BICDL1: variants seen among roughly 807,000 people sequenced by gnomAD.
BICDL1 encodes the protein BICD family like cargo adaptor 1, also known as BICD family-like cargo adapter 1.
BICDL1 carries 20 observed loss-of-function variants against 76.8 expected under a neutral mutation model. That is an observed-to-expected ratio of 0.26 (90% CI 0.18 to 0.38). The LOEUF is 0.38. BICDL1 is among the 10% of genes least tolerant of loss of function. The probability of loss-of-function intolerance (pLI) is 1.00; values close to 1 mark genes in which losing one functional copy is unlikely to be tolerated. For missense variants in BICDL1, 700 were observed against 798.6 expected, an observed-to-expected ratio of 0.88 and a Z score of 1.49; for synonymous variants, 383 against 337.1, an observed-to-expected ratio of 1.14 and a Z score of -1.49.
intron 6 of BICDL1, 84 bp downstream of exon 6, chr12:120,072,813 C>A: frequency 9.0e-7 from 1 of 1,107,528 alleles, no homozygotes; most frequent in Non-Finnish European, 1.3e-6. Flanking sequence ...GTGAGGTCAG[C>A]CATGGAACTG....
At chr12:120,086,932 CAG>C (rs1874462013) in intron 8 of BICDL1, among the ~76,000 whole-genome samples, 1 of 152,242 alleles carries the variant, frequency 6.6e-6, no homozygotes, top group Non-Finnish European at 1.5e-5. Flanking sequence ...GCCCCTGCCT[CAG>C]GGCGTTTTTT....
intron 1 of BICDL1, 24 bp downstream of exon 1, chr12:119,990,321 G>A (rs764701950): frequency 7.1e-5 from 110 of 1,549,586 alleles, no homozygotes; most frequent in Non-Finnish European, 9.2e-5. Flanking sequence ...TCCAGGGATG[G>A]GTGGGGAGCA....
At chr12:120,010,514 C>A (rs1951931660) in intron 2 of BICDL1, among the ~76,000 whole-genome samples, 1 of 152,124 alleles carries the variant, frequency 6.6e-6, no homozygotes, top group South Asian at 2.1e-4. Context: ...ACAAAAAAAT[C>A]CCATATAATT....
chr12:119,990,583 T>G (rs1951499790), intron 1 of BICDL1, among the ~76,000 whole-genome samples: 1 of 152,206 alleles, frequency 6.6e-6, no homozygotes, highest in African/African-American at 2.4e-5. Flanking sequence ...ACAGTATGAC[T>G]ATATAGCACT....
intron 2 of BICDL1, among the ~76,000 whole-genome samples, chr12:120,025,041 C>A (rs967479521): frequency 7.1e-6 from 1 of 140,402 alleles, no homozygotes; most frequent in African/African-American, 2.8e-5. Context: ...TGATATTATA[C>A]TTTCTTTCTT....
chr12:120,080,543 G>A, intron 7 of BICDL1: 1 of 202,196 alleles, frequency 4.9e-6, no homozygotes. Flanking sequence ...TGTGTGTCAT[G>A]ATGACTTATG....
chr12:119,989,288 C>T lies in BICDL1; in HGVS notation c.-581C>T, dbSNP rs1951461484. Among the ~76,000 whole-genome samples, 1 of 145,552 alleles carries T rather than the reference C, an allele frequency of 6.9e-6. No individual in the cohort carries two copies. On this transcript the variant is annotated 5_prime_UTR_variant, in exon 1 of 10. Transcript: ENST00000548673. Reference sequence around the variant, plus strand: ...GCGCGATGTGGAGCCGCCGCCTCGGCCCCTGCAGCAGCAGCAGCCGCCGTC... The same window carrying T: ...GCGCGATGTGGAGCCGCCGCCTCGGTCCCTGCAGCAGCAGCAGCCGCCGTC...
intron 2 of BICDL1, chr12:119,999,695 A>G (rs1951722729): frequency 2.6e-6 from 1 of 384,468 alleles, no homozygotes. Context: ...TTAAATACAG[A>G]ACATACCTTT....
intron 1 of BICDL1, chr12:119,992,987 T>C: frequency 7.8e-6 from 1 of 127,804 alleles, no homozygotes. Context: ...GGAGTCTCGC[T>C]CTGTCGCCCA....
At chr12:120,053,878 TAA>T (rs1027956020) in intron 2 of BICDL1, among the ~76,000 whole-genome samples, 2 of 151,994 alleles carry the variant, frequency 1.3e-5, no homozygotes, top group African/African-American at 2.4e-5. Flanking sequence ...TTTGTGTATA[TAA>T]AAAACTGTAA....
intron 9 of BICDL1, 168 bp from the exon 10 acceptor site, chr12:120,092,832 T>C (rs1875098741): frequency 1.0e-6 from 1 of 985,298 alleles, no homozygotes; most frequent in Non-Finnish European, 1.2e-6. Context: ...GTGCGCCTGG[T>C]GTCTTGCCCA....
At chr12:120,057,332 G>A (rs780169093) in intron 2 of BICDL1, among the ~76,000 whole-genome samples, 4 of 151,876 alleles carry the variant, frequency 2.6e-5, no homozygotes, top group Non-Finnish European at 4.4e-5. Flanking sequence ...GTCTTTCCAC[G>A]ATACCCCTCC....
chr12:120,029,635 TC>T (rs1441760331), intron 2 of BICDL1, among the ~76,000 whole-genome samples: 5 of 152,090 alleles, frequency 3.3e-5, no homozygotes, highest in Non-Finnish European at 7.4e-5. Flanking sequence ...ATCCAGTGTT[TC>T]CCAAATTTTT....
intron 2 of BICDL1, among the ~76,000 whole-genome samples, chr12:120,053,774 A>T (rs1168331351): frequency 2.0e-5 from 3 of 152,230 alleles, no homozygotes; most frequent in Non-Finnish European, 4.4e-5. Context: ...TATTGCTACT[A>T]GAGTGTCATT....
intron 2 of BICDL1, among the ~76,000 whole-genome samples, chr12:120,048,450 CATG>C (rs1450171129): frequency 3.9e-5 from 6 of 152,260 alleles, no homozygotes; most frequent in African/African-American, 1.4e-4. Flanking sequence ...AGTTCATAAA[CATG>C]ATGATTGGGC....
chr12:120,033,131 G>A (rs756928468), intron 2 of BICDL1, among the ~76,000 whole-genome samples: 9 of 151,796 alleles, frequency 5.9e-5, no homozygotes, highest in East Asian at 1.9e-4. Flanking sequence ...CCACCTTTCC[G>A]CTTCAGTAAT....
chr12:120,045,185 C>T (rs1952721441), intron 2 of BICDL1, among the ~76,000 whole-genome samples: 1 of 152,118 alleles, frequency 6.6e-6, no homozygotes, highest in African/African-American at 2.4e-5. Flanking sequence ...CCATCACTGG[C>T]CATCAGAGAA....
chr12:120,012,723 T>C (rs1343008512), intron 2 of BICDL1, among the ~76,000 whole-genome samples: 1 of 152,180 alleles, frequency 6.6e-6, no homozygotes, highest in Non-Finnish European at 1.5e-5. Context: ...CCTCAAACAG[T>C]CCACCACTTA....
At chr12:120,066,410 A>C (rs1012836242) in intron 4 of BICDL1, among the ~76,000 whole-genome samples, 2 of 152,230 alleles carry the variant, frequency 1.3e-5, no homozygotes, top group Non-Finnish European at 2.9e-5. Context: ...GTTCAGCATG[A>C]ATTTATAGTG....
Sources: allele counts gnomAD v4.1 joint callset (sites outside exome capture counted in the v4.1 genomes callset), GRCh38; gene constraint gnomAD v4.1.1; transcripts MANE v1.5; gene names NCBI Gene and HGNC (gene_info 2026-07-23, HGNC 2026-07-21).